OFD1: variants seen among roughly 807,000 people sequenced by gnomAD.
The protein encoded by OFD1 is centriole and centriolar satellite protein OFD1.
A neutral mutation model predicts 81.4 loss-of-function variants in OFD1; 12 were observed. The observed-to-expected ratio is 0.15, with a 90% CI of 0.09 to 0.24. The LOEUF (loss-of-function observed/expected upper bound fraction) is 0.24. OFD1 is among the 10% of genes least tolerant of loss of function. The pLI, the probability that OFD1 is intolerant of heterozygous loss-of-function variation, is 1.00. For missense variants in OFD1, 685 were observed against 733.9 expected (o/e 0.93, Z 0.77); for synonymous variants, 256 against 263.7 (o/e 0.97, Z 0.28).
chrX:13,734,126 AG>A, upstream of OFD1: 1 of 512,926 alleles, frequency 1.9e-6, no homozygotes, highest in Admixed American at 2.7e-5. Context: ...TGCTTCCAAG[AG>A]GACATCTGGC....
intron 19 of OFD1, among the ~76,000 whole-genome samples, chrX:13,764,390 C>T (rs113888410): frequency 0.018 from 2,063 of 112,251 alleles, 21 homozygotes; most frequent in Middle Eastern, 0.037. Context: ...ACCGAGTTAG[C>T]GTAGCACTGG....
Position 13,762,389 on chromosome X carries a change from A to G in OFD1, c.2433A>G (p.Ser811=). ...AACTTCAAGACAAAAGTGAATTTTC[A>G]GATGTGGACAAGCTAGCTTTTAAGG... ...QTELQDKSEF[S]DVDKLAFKDN... is the part of the protein sequence containing the mutation. The change falls in exon 18 of 23, where the codon TCA becomes TCG. Residue 811 remains serine (S), a synonymous_variant. Transcript: ENST00000340096. The G allele has an allele frequency of 8.3e-7, 1 of 1,202,891 alleles. No homozygotes were observed. Among genetic ancestry groups the G allele is most frequent in the Non-Finnish European group, 1.1e-6 (1 of 887,238 alleles).
In OFD1 at chrX:13,757,704, C is replaced by T; in HGVS notation, c.1456C>T (p.Leu486=). The T allele has an allele frequency of 8.3e-7, 1 of 1,208,356 alleles. No homozygotes were observed. The highest frequency in any genetic ancestry group is 1.8e-5 in the South Asian group (1 of 56,897). The change falls in exon 14 of 23, where the codon CTA becomes TTA. Residue 486 remains leucine (L), a synonymous_variant. Coordinates refer to ENST00000340096, the MANE Select transcript of OFD1 (RefSeq NM_003611.3). The stretch of plus-strand genomic sequence containing the variant: ...TGAACTTGCAGTCTTTCAGAAAGAA[C>T]TACGGAAAGCCGAAAAGGCTATAGT... ...APELAVFQKE[L]RKAEKAIVVE...
In OFD1 at chrX:13,741,259, A is replaced by G. The variant is rs762071779; in HGVS notation, c.412+2227A>G. 1.4e-4 allele frequency among the ~76,000 whole-genome samples: 16 copies of G among 112,691 alleles called. No homozygotes were observed. In the South Asian group the frequency reaches 5.5e-3, roughly 39 times the overall value. ...CAGTAAAATTTCTGGAAGCCAGAAA[A>G]ACTATGAGTAGCAGATAGGTCAGGC... On this transcript the variant is annotated intron_variant, in intron 5 of 22. Transcript: ENST00000340096.
downstream of OFD1, chrX:13,773,094 T>C: frequency 1.9e-6 from 2 of 1,041,680 alleles, no homozygotes; most frequent in South Asian, 2.0e-5. Flanking sequence ...GAGGCGCTAG[T>C]TAGATTAGAC....
rs1438777105 is a variant in OFD1, at chrX:13,751,142, T to C, written c.936-107T>C. On this transcript the variant is annotated intron_variant, in intron 9 of 22. Transcript: ENST00000340096. ...TTCCTTCTACTTCCCAGTAGTGATA[T>C]CATGTAGCAGTTTTAGTCTGTGGAA... The C allele has an allele frequency of 3.5e-5, 25 of 718,902 alleles. No homozygotes were observed. The Middle Eastern group carries it at 1.9e-3, about 54-fold the overall frequency. The allele number at this position is 718,902 out of a possible 1,213,427, so 59.2% of individuals were successfully genotyped here.
intron 8 of OFD1, among the ~76,000 whole-genome samples, chrX:13,747,882 G>T (rs2047355262): frequency 9.0e-6 from 1 of 111,465 alleles, no homozygotes; most frequent in African/African-American, 3.3e-5. Flanking sequence ...AGAGGGTGAG[G>T]AGTGAGAGGG....
chrX:13,762,587 G>T (rs2047977575), intron 18 of OFD1, 143 bp downstream of exon 18: 1 of 428,967 alleles, frequency 2.3e-6, no homozygotes, highest in African/African-American at 2.5e-5. Context: ...AAGTACAGAT[G>T]TATCACCTCA....
At chrX:13,759,598 T>C (rs2047850091) in intron 15 of OFD1, among the ~76,000 whole-genome samples, 1 of 112,087 alleles carries the variant, frequency 8.9e-6, no homozygotes. Flanking sequence ...CACAGTGTTG[T>C]TGTGAATGCA....
chrX:13,745,181 T>C (rs2047245241), intron 6 of OFD1, among the ~76,000 whole-genome samples: 1 of 112,523 alleles, frequency 8.9e-6, no homozygotes, highest in South Asian at 3.6e-4. Flanking sequence ...TAAAATGTAT[T>C]ATATGACTAT....
In OFD1 at chrX:13,739,009, G is replaced by A; in HGVS notation, c.389G>A (p.Gly130Glu). 5.0e-6 allele frequency: 6 copies of A among 1,202,468 alleles called. No individual in the cohort carries two copies. Among genetic ancestry groups the A allele is most frequent in the Non-Finnish European group, 4.5e-6 (4 of 887,844 alleles). Reference protein sequence around the residue: ...TSSLYKSLVSGSDKENQKGFL... With the variant: ...TSSLYKSLVSESDKENQKGFL... ...AATATTTTCTTTTAACAGGTTTCAG[G>A]ATCTGATAAAGAAAATCAAAAAGGT... The change falls in exon 5 of 23, where the codon GGA (glycine) becomes GAA (glutamate). Residue 130 changes from glycine to glutamate, a missense_variant. Gly to Glu is a moderately conservative substitution (Grantham distance 98, BLOSUM62 -2). Coordinates refer to ENST00000340096, the MANE Select transcript of OFD1 (RefSeq NM_003611.3).
chrX:13,729,507 C>T, the OFD1 span, among the ~76,000 whole-genome samples: 1 of 112,404 alleles, frequency 8.9e-6, no homozygotes, highest in African/African-American at 3.2e-5. Flanking sequence ...GAAAGGATTC[C>T]CTATTTAATA....
At chrX:13,773,066 AT>A (rs747192183), downstream of OFD1, 122 of 1,179,790 alleles carry the variant, frequency 1.0e-4, no homozygotes, top group African/African-American at 1.9e-3. Context: ...GCTAGTGAGC[AT>A]TGTGAGAAGG....
rs967958526 is a variant in OFD1, at chrX:13,769,238, TTC to T, written c.*131_*132del. 3 of 565,361 alleles carry T rather than the reference TTC, an allele frequency of 5.3e-6. No homozygotes were observed. The African/African-American group carries it at 6.9e-5, about 13-fold the overall frequency. The allele number at this position is 565,361 out of a possible 1,213,427, so 46.6% of individuals were successfully genotyped here. A position where few individuals can be genotyped will look rare whatever the true frequency, so the allele number is the denominator to read the frequency against. On this transcript the variant is annotated 3_prime_UTR_variant, in exon 23 of 23. Coordinates refer to ENST00000340096, the MANE Select transcript of OFD1 (RefSeq NM_003611.3). ...TGTGTAATCCAATGTGGGTTTTTTT[TTC>T]CATAATTAATTTTGATACCATAGTG...
intron 12 of OFD1, 151 bp from the exon 13 acceptor site, chrX:13,756,427 T>C (rs936184265): frequency 2.2e-6 from 1 of 447,596 alleles, no homozygotes; most frequent in Non-Finnish European, 3.9e-6. Context: ...ATTTTCGTTA[T>C]TGTAGTTAGA....
chrX:13,738,233 A>G (rs1371131782), intron 3 of OFD1, among the ~76,000 whole-genome samples: 1 of 112,729 alleles, frequency 8.9e-6, no homozygotes, highest in Non-Finnish European at 1.9e-5. Flanking sequence ...TAATACAATT[A>G]TATAGCAGGA....
At chrX:13,755,946 C>CTT (rs34300430) in intron 12 of OFD1, among the ~76,000 whole-genome samples, 5,179 of 64,906 alleles carry the variant, frequency 0.08, 530 homozygotes, top group East Asian at 0.3. Flanking sequence ...CTTTCTTTCC[C>CTT]TTTTTTTTTT....
downstream of OFD1, among the ~76,000 whole-genome samples, chrX:13,770,515 T>C (rs2048276523): frequency 8.9e-6 from 1 of 112,561 alleles, no homozygotes. Flanking sequence ...TTGGCTACTC[T>C]AGAGAGTCAA....
intron 5 of OFD1, chrX:13,740,159 A>G (rs892790472): frequency 2.1e-6 from 2 of 969,190 alleles, no homozygotes; most frequent in Non-Finnish European, 2.6e-6. Context: ...AAATTGGAGC[A>G]CAAGATATTC....
Sources: allele counts gnomAD v4.1 joint callset (sites outside exome capture counted in the v4.1 genomes callset), GRCh38; gene constraint gnomAD v4.1.1; transcripts MANE v1.5; gene names NCBI Gene and HGNC (gene_info 2026-07-23, HGNC 2026-07-21).